Variants in MOV10L1 observed in about 807,000 individuals in gnomAD.
MOV10L1 encodes RNA helicase Mov10l1.
A neutral mutation model predicts 143.8 loss-of-function variants in MOV10L1; 110 were observed. The observed-to-expected ratio is 0.76, with a 90% CI of 0.66 to 0.90. The LOEUF (loss-of-function observed/expected upper bound fraction) is 0.90, where lower values mean the gene tolerates loss of function less well. Among genes scored for constraint, MOV10L1 ranks in the 40% least tolerant of loss-of-function variants. The probability of loss-of-function intolerance (pLI) is 0.00; values close to 1 mark genes in which losing one functional copy is unlikely to be tolerated. For missense variants in MOV10L1, 1,406 were observed against 1,526.8 expected (o/e 0.92, Z 1.32); for synonymous variants, 593 against 581.1 (o/e 1.02, Z -0.29).
In MOV10L1 at chr22:50,108,001, C is replaced by G. The variant is rs142775706; in HGVS notation, c.443-135C>G. Reference sequence around the variant, plus strand: ...GGGTTTTTTATTCGAAAATATGTTTCTCACAGTAGTAGAAAGTGCCTTTTA... The same window carrying G: ...GGGTTTTTTATTCGAAAATATGTTTGTCACAGTAGTAGAAAGTGCCTTTTA... On this transcript the variant is annotated intron_variant, in intron 3 of 26. Coordinates refer to ENST00000262794, the MANE Select transcript of MOV10L1 (RefSeq NM_018995.3). The G allele has an allele frequency of 4.3e-5, 31 of 718,162 alleles. No individual in the cohort carries two copies. The Middle Eastern group carries it at 1.2e-3, about 27-fold the overall frequency. The allele number at this position is 718,162 out of a possible 1,614,324, so 44.5% of individuals were successfully genotyped here.
intron 10 of MOV10L1, among the ~76,000 whole-genome samples, chr22:50,122,214 TTC>T (rs1471665714): frequency 6.6e-6 from 1 of 152,262 alleles, no homozygotes; most frequent in Non-Finnish European, 1.5e-5. Flanking sequence ...TATTTATGTC[TTC>T]TTTAATTTCT....
chr22:50,142,948 C>T (rs1304258984), intron 16 of MOV10L1, 95 bp from the exon 17 acceptor site: 17 of 1,201,600 alleles, frequency 1.4e-5, no homozygotes, highest in Non-Finnish European at 2.0e-5. Flanking sequence ...TTAGCCTTTG[C>T]ACAGACGTGC....
At chr22:50,117,903 G>A (rs531392654) in intron 9 of MOV10L1, among the ~76,000 whole-genome samples, 13 of 152,194 alleles carry the variant, frequency 8.5e-5, no homozygotes, top group African/African-American at 2.9e-4. Context: ...TCACATCCAC[G>A]TGTTCTCTTC....
At chr22:50,105,178 G>GT (rs1329682894) in intron 3 of MOV10L1, among the ~76,000 whole-genome samples, 1 of 152,156 alleles carries the variant, frequency 6.6e-6, no homozygotes, top group Non-Finnish European at 1.5e-5. Context: ...AATGTAAGAT[G>GT]TTGACAATTC....
chr22:50,090,419 C>T, intron 1 of MOV10L1: 1 of 1,585,588 alleles, frequency 6.3e-7, no homozygotes. Context: ...GACACCAGCC[C>T]CTCTTCCCGC....
intron 1 of MOV10L1, among the ~76,000 whole-genome samples, chr22:50,091,640 T>C (rs962056935): frequency 2.6e-5 from 4 of 152,128 alleles, no homozygotes; most frequent in African/African-American, 9.7e-5. Context: ...TGACGATTAG[T>C]CTCCATCTTA....
chr22:50,104,893 T>TC (rs1270859771), intron 3 of MOV10L1, among the ~76,000 whole-genome samples: 1 of 76,602 alleles, frequency 1.3e-5, no homozygotes, highest in Non-Finnish European at 2.6e-5. Context: ...TGAGCCTTCT[T>TC]TTTTTTTTTT....
intron 12 of MOV10L1, among the ~76,000 whole-genome samples, chr22:50,127,753 T>G (rs9617035): frequency 0.22 from 34,063 of 151,920 alleles, 4,187 homozygotes; most frequent in Admixed American, 0.35. Context: ...ACTAAAAGGA[T>G]AAGTCTTGTA....
At chr22:50,156,827 C>T (rs4838856) in intron 22 of MOV10L1, among the ~76,000 whole-genome samples, 13,758 of 152,192 alleles carry the variant, frequency 0.09, 716 homozygotes, top group South Asian at 0.17. Flanking sequence ...GCTGCTACAA[C>T]GGGTGTACAG....
In MOV10L1 at chr22:50,152,874, C is replaced by T. The variant is rs2147437248; in HGVS notation, c.2893-171C>T. On this transcript the variant is annotated intron_variant, in intron 21 of 26. Transcript: ENST00000262794. The surrounding 1 kb of genome is among the most constrained non-coding windows in gnomAD (Gnocchi z 4.4). The stretch of plus-strand genomic sequence containing the variant: ...CTATTCAGATGGACCCTTGGCTTGA[C>T]CATCATCCAAGGGCTTGGTCTGGGG... Among the ~76,000 whole-genome samples, 1 of 152,292 alleles carries T rather than the reference C, an allele frequency of 6.6e-6. No individual in the cohort carries two copies. Among genetic ancestry groups the T allele is most frequent in the Admixed American group, 6.5e-5 (1 of 15,304 alleles).
chr22:50,118,999 C>T (rs1245497847), intron 9 of MOV10L1, among the ~76,000 whole-genome samples: 1 of 152,158 alleles, frequency 6.6e-6, no homozygotes, highest in Non-Finnish European at 1.5e-5. Flanking sequence ...AGGAAAGTCC[C>T]TCGGCTGCCA....
At chr22:50,153,254 G>C (rs738337) in intron 22 of MOV10L1, 36 bp downstream of exon 22, 2 of 1,586,084 alleles carry the variant, frequency 1.3e-6, no homozygotes, top group Non-Finnish European at 1.7e-6. Flanking sequence ...TGACCGTGTC[G>C]GGTAAGGACA....
intron 8 of MOV10L1, among the ~76,000 whole-genome samples, chr22:50,115,881 G>T (rs540951567): frequency 6.6e-6 from 1 of 152,204 alleles, no homozygotes; most frequent in South Asian, 2.1e-4. Flanking sequence ...GCCAAGGCAC[G>T]GACAGCACAG....
chr22:50,153,308 G>C lies in MOV10L1; in HGVS notation c.3066+90G>C, dbSNP rs1486320497. The C allele has an allele frequency of 2.1e-6, 3 of 1,413,066 alleles. No homozygotes were observed. In the African/African-American group the frequency reaches 4.3e-5, roughly 20 times the overall value. 87.5% of individuals were successfully genotyped at this position (1,413,066 alleles called of 1,614,324 possible). A position where few individuals can be genotyped will look rare whatever the true frequency, so the allele number is the denominator to read the frequency against. On this transcript the variant is annotated intron_variant, in intron 22 of 26. Coordinates refer to ENST00000262794, the MANE Select transcript of MOV10L1 (RefSeq NM_018995.3). ...CCTCCCAGGTGAGGCTCTGTCACCT[G>C]CCTGTGGCGGGGCAGATGTTCTGCT...
At chr22:50,099,955 A>G (rs1274951992) in intron 3 of MOV10L1, among the ~76,000 whole-genome samples, 3 of 151,842 alleles carry the variant, frequency 2.0e-5, no homozygotes, top group Admixed American at 6.6e-5. Flanking sequence ...ACTATGGGAG[A>G]GGGCACCAGG....
intron 3 of MOV10L1, among the ~76,000 whole-genome samples, chr22:50,105,322 C>A (rs938373753): frequency 3.9e-5 from 6 of 152,184 alleles, no homozygotes; most frequent in African/African-American, 1.4e-4. Flanking sequence ...TAAGTTGTCT[C>A]TGTCATTCTT....
chr22:50,141,495 A>ATTTTTT (rs56881561), intron 15 of MOV10L1, among the ~76,000 whole-genome samples: 17,970 of 137,604 alleles, frequency 0.13, 1,333 homozygotes, highest in Admixed American at 0.19. Context: ...TGCCCGGCTA[A>ATTTTTT]TTTTTTTTTT....
At chr22:50,090,549 G>T (rs957153061) in intron 1 of MOV10L1, 5 of 1,594,992 alleles carry the variant, frequency 3.1e-6, no homozygotes, top group Non-Finnish European at 4.3e-6. Flanking sequence ...CGGCCCCGCA[G>T]ACTTGGCCTG....
rs529438045 is a variant in MOV10L1, at chr22:50,111,486, CTTTTTTTTTTTTTTT to C, written c.744-2149_744-2135del. 6.9e-4 allele frequency among the ~76,000 whole-genome samples: 41 copies of C among 59,146 alleles called. No individual in the cohort carries two copies. In the East Asian group the frequency reaches 0.016, roughly 23 times the overall value. 38.8% of individuals were successfully genotyped at this position (59,146 alleles called of 152,430 possible). On this transcript the variant is annotated intron_variant, in intron 5 of 26. Coordinates refer to ENST00000262794, the MANE Select transcript of MOV10L1 (RefSeq NM_018995.3). Reference sequence around the variant, plus strand: ...GAGTGGGGTCCCGACTCTGTCTTTGCTTTTTTTTTTTTTTTTTTTTTTTTTTTGAGACGTTGAGAT... The same window carrying C: ...GAGTGGGGTCCCGACTCTGTCTTTGCTTTTTTTTTTTTGAGACGTTGAGAT...
Sources: gnomAD v4.1 joint callset for allele counts (sites outside exome capture counted in the v4.1 genomes callset) on GRCh38, gnomAD v4.1.1 for gene constraint, Gnocchi (gnomAD v3.1) non-coding constraint, MANE v1.5 for transcripts, NCBI Gene and HGNC (gene_info 2026-07-23, HGNC 2026-07-21) for gene names.